The following NLGN1 variants were observed in gnomAD, a reference collection of about 807,000 sequenced individuals.
NLGN1 encodes neuroligin 1.
In NLGN1, 12 loss-of-function variants were observed where a neutral mutation model predicts 65.5. The observed-to-expected ratio is 0.18, with a 90% CI of 0.12 to 0.30. NLGN1 has a LOEUF of 0.30. Among genes scored for constraint, NLGN1 ranks in the 10% least tolerant of loss-of-function variants. The probability of loss-of-function intolerance (pLI) is 1.00; values close to 1 mark genes in which losing one functional copy is unlikely to be tolerated. For synonymous variants in NLGN1, 350 were observed against 359.5 expected, an observed-to-expected ratio of 0.97 and a Z score of 0.30; for missense variants, 750 against 1,007.1, an observed-to-expected ratio of 0.74 and a Z score of 3.46.
At chr3:173,641,318 T>C (rs1757378154) in intron 3 of NLGN1, among the ~76,000 whole-genome samples, 1 of 152,166 alleles carries the variant, frequency 6.6e-6, no homozygotes, top group Admixed American at 6.5e-5. Context: ...CTTTTTATTA[T>C]TATTATTATT....
At chr3:174,124,290 C>T (rs1718391750) in intron 4 of NLGN1, among the ~76,000 whole-genome samples, 2 of 152,026 alleles carry the variant, frequency 1.3e-5, no homozygotes, top group Non-Finnish European at 2.9e-5. Context: ...ATTGTTACTG[C>T]TCTGTTAATA....
intron 2 of NLGN1, among the ~76,000 whole-genome samples, chr3:173,510,164 T>A (rs1732701541): frequency 6.6e-6 from 1 of 152,186 alleles, no homozygotes; most frequent in Non-Finnish European, 1.5e-5. Flanking sequence ...AATTTTTCTT[T>A]CTGTTTGTGA....
chr3:173,435,792 G>C (rs1577446180), intron 2 of NLGN1, among the ~76,000 whole-genome samples: 1 of 152,212 alleles, frequency 6.6e-6, no homozygotes, highest in East Asian at 1.9e-4. Flanking sequence ...CTGAGATCAT[G>C]CCACTGCACT....
intron 4 of NLGN1, among the ~76,000 whole-genome samples, chr3:174,240,934 A>G (rs1305221637): frequency 1.3e-5 from 2 of 152,098 alleles, no homozygotes; most frequent in Non-Finnish European, 2.9e-5. Flanking sequence ...TTCTGCTTCC[A>G]CATTTCCACC....
chr3:173,573,792 G>A (rs546868465), intron 2 of NLGN1, among the ~76,000 whole-genome samples: 16 of 151,466 alleles, frequency 1.1e-4, no homozygotes, highest in Non-Finnish European at 1.9e-4. Context: ...GGCCGGGCGC[G>A]GTGGCTCACG....
At chr3:174,255,485 C>T (rs1172711246) in intron 4 of NLGN1, among the ~76,000 whole-genome samples, 3 of 143,262 alleles carry the variant, frequency 2.1e-5, no homozygotes, top group Non-Finnish European at 3.0e-5. Flanking sequence ...TGGTACTTTG[C>T]AGAGAGGAAT....
intron 3 of NLGN1, among the ~76,000 whole-genome samples, chr3:173,702,232 C>G (rs545465346): frequency 3.0e-5 from 4 of 134,718 alleles, no homozygotes; most frequent in Admixed American, 2.8e-4. Context: ...GAGCGAGACT[C>G]CGTCTCAAAA....
intron 4 of NLGN1, among the ~76,000 whole-genome samples, chr3:173,935,793 G>A (rs968313553): frequency 6.6e-6 from 1 of 151,912 alleles, no homozygotes; most frequent in Admixed American, 6.6e-5. Context: ...AATTGTTAGT[G>A]AAAGAAACAA....
chr3:173,809,781 G>T (rs748542664), intron 4 of NLGN1, among the ~76,000 whole-genome samples: 16 of 152,244 alleles, frequency 1.1e-4, no homozygotes, highest in African/African-American at 3.9e-4. Flanking sequence ...TTTAAATGCC[G>T]CACTGTGAGG....
At chr3:173,448,889 C>G (rs539239633) in intron 2 of NLGN1, among the ~76,000 whole-genome samples, 1 of 152,212 alleles carries the variant, frequency 6.6e-6, no homozygotes, top group African/African-American at 2.4e-5. Context: ...GTTTGTATTT[C>G]TGTGGGATCA....
intron 4 of NLGN1, among the ~76,000 whole-genome samples, chr3:174,132,289 C>T (rs1000261074): frequency 2.6e-5 from 4 of 152,130 alleles, no homozygotes; most frequent in Non-Finnish European, 5.9e-5. Flanking sequence ...GTAATGTCAT[C>T]TCAGAAGATT....
intron 3 of NLGN1, among the ~76,000 whole-genome samples, chr3:173,753,770 GC>G (rs1418482812): frequency 6.6e-6 from 1 of 151,666 alleles, no homozygotes; most frequent in African/African-American, 2.4e-5. Context: ...AAAAAGTCTA[GC>G]CCCTGTTGCT....
At chr3:174,242,121 TACC>T (rs1742988869) in intron 4 of NLGN1, among the ~76,000 whole-genome samples, 1 of 152,136 alleles carries the variant, frequency 6.6e-6, no homozygotes, top group Non-Finnish European at 1.5e-5. Flanking sequence ...TACTACTACT[TACC>T]AGCAGTGTGA....
At chr3:174,000,828 G>C (rs898909358) in intron 4 of NLGN1, among the ~76,000 whole-genome samples, 2 of 152,140 alleles carry the variant, frequency 1.3e-5, no homozygotes, top group African/African-American at 4.8e-5. Context: ...GTGACAACAT[G>C]TCCATATCCA....
intron 1 of NLGN1, among the ~76,000 whole-genome samples, chr3:173,425,326 T>C (rs1715896558): frequency 6.6e-6 from 1 of 150,860 alleles, no homozygotes; most frequent in Non-Finnish European, 1.5e-5. Flanking sequence ...CTTCACTCTA[T>C]TGGTTTTTTT....
At chr3:174,110,450 G>T (rs1017136190) in intron 4 of NLGN1, among the ~76,000 whole-genome samples, 1 of 151,904 alleles carries the variant, frequency 6.6e-6, no homozygotes, top group South Asian at 2.1e-4. Context: ...CAGAAAAAGC[G>T]TAAAACCTGA....
At chr3:174,092,749 A>G (rs562509341) in intron 4 of NLGN1, among the ~76,000 whole-genome samples, 1 of 152,306 alleles carries the variant, frequency 6.6e-6, no homozygotes, top group African/African-American at 2.4e-5. Context: ...TCATGAAGAT[A>G]TATAGTTAGT....
chr3:173,686,128 A>G (rs905942547), intron 3 of NLGN1, among the ~76,000 whole-genome samples: 3 of 152,182 alleles, frequency 2.0e-5, no homozygotes, highest in Non-Finnish European at 4.4e-5. Flanking sequence ...GTCACAGTAC[A>G]CAATTGATTT....
At chr3:174,053,205 T>G (rs1735301522) in intron 4 of NLGN1, among the ~76,000 whole-genome samples, 1 of 151,972 alleles carries the variant, frequency 6.6e-6, no homozygotes, top group African/African-American at 2.4e-5. Context: ...TCGGGGCCAA[T>G]CTCTAAATAT....
Sources: allele counts gnomAD v4.1 joint callset (sites outside exome capture counted in the v4.1 genomes callset), GRCh38; gene constraint gnomAD v4.1.1; transcripts MANE v1.5; gene names NCBI Gene and HGNC (gene_info 2026-07-23, HGNC 2026-07-21).